The following IL33 variants were observed in gnomAD, a reference collection of about 807,000 sequenced individuals.
IL33 encodes interleukin 33.
A neutral mutation model predicts 27.3 loss-of-function variants in IL33; 37 were observed. That is an observed-to-expected ratio of 1.36 (90% CI 1.04 to 1.78). IL33 has a LOEUF of 1.78. Among genes scored for constraint, IL33 ranks in the 40% most tolerant of loss-of-function variants. The probability of loss-of-function intolerance (pLI) is 0.00; values close to 1 mark genes in which losing one functional copy is unlikely to be tolerated. For synonymous variants in IL33, 132 were observed against 102.9 expected (o/e 1.28, Z -1.71); for missense variants, 406 against 311.4 (o/e 1.30, Z -2.29).
chr9:6,241,656 G>T, intron 1 of IL33, 28 bp from the exon 2 acceptor site: 4 of 1,377,474 alleles, frequency 2.9e-6, no homozygotes, highest in South Asian at 1.3e-5. Flanking sequence ...TGAGACAAAT[G>T]AACTAATATT....
chr9:6,248,152 G>A (rs1185006842), intron 2 of IL33, among the ~76,000 whole-genome samples: 2 of 151,726 alleles, frequency 1.3e-5, no homozygotes, highest in Non-Finnish European at 2.9e-5. Context: ...TAGTTGCTAT[G>A]GTTTGAATGT....
Position 6,254,573 on chromosome 9 carries a change from C to T in IL33, c.612+20C>T. On this transcript the variant is annotated intron_variant, in intron 7 of 7. Coordinates refer to ENST00000682010, the MANE Select transcript of IL33 (RefSeq NM_033439.4). Reference sequence around the variant, plus strand: ...GTGGAGGTAAAAAAAAAAAATTTATCTATATCTATATATATGATTACAGAA... The same window carrying T: ...GTGGAGGTAAAAAAAAAAAATTTATTTATATCTATATATATGATTACAGAA... The T allele has an allele frequency of 1.6e-6, 2 of 1,283,890 alleles. No individual in the cohort carries two copies. The highest frequency in any genetic ancestry group is 1.6e-5 in the African/African-American group (1 of 64,218). 79.5% of individuals were successfully genotyped at this position (1,283,890 alleles called of 1,614,324 possible).
At chr9:6,217,417 C>A (rs1045152466) in intron 1 of IL33, among the ~76,000 whole-genome samples, 3 of 152,096 alleles carry the variant, frequency 2.0e-5, no homozygotes, top group Admixed American at 6.5e-5. Context: ...TTAAACCATA[C>A]CCTAAATTTC....
At chr9:6,227,177 C>A (rs963095916) in intron 1 of IL33, among the ~76,000 whole-genome samples, 2 of 152,196 alleles carry the variant, frequency 1.3e-5, no homozygotes, top group Non-Finnish European at 2.9e-5. Context: ...TCTTGATCAC[C>A]CTTCTATTGT....
intron 1 of IL33, among the ~76,000 whole-genome samples, chr9:6,219,844 G>T (rs1346091552): frequency 1.3e-5 from 2 of 152,144 alleles, no homozygotes; most frequent in Admixed American, 1.3e-4. Context: ...AGTGGGATTT[G>T]AAAAGATTTT....
At chr9:6,239,393 T>A (rs1237444451) in intron 1 of IL33, among the ~76,000 whole-genome samples, 2 of 151,852 alleles carry the variant, frequency 1.3e-5, no homozygotes, top group African/African-American at 4.8e-5. Flanking sequence ...GTAAGGGAAG[T>A]CAAACAACAT....
chr9:6,227,988 T>G (rs1818723288), intron 1 of IL33, among the ~76,000 whole-genome samples: 1 of 152,212 alleles, frequency 6.6e-6, no homozygotes. Flanking sequence ...CTATGAGGCC[T>G]TGGGCATTTA....
chr9:6,253,465 G>A, intron 5 of IL33, 87 bp from the exon 6 acceptor site: 1 of 836,822 alleles, frequency 1.2e-6, no homozygotes, highest in Non-Finnish European at 1.9e-6. Context: ...AAAAGGGGAG[G>A]ATATTTTCTG....
intron 1 of IL33, among the ~76,000 whole-genome samples, chr9:6,220,424 G>C (rs1018282190): frequency 2.0e-5 from 3 of 152,176 alleles, no homozygotes; most frequent in Non-Finnish European, 4.4e-5. Flanking sequence ...TGTGTCTGCT[G>C]TGCTCAAATC....
At position 6,252,094 on chromosome 9, in the gene IL33, AAC is replaced by A. The variant is rs1564073414; in HGVS notation, c.344-771_344-770del. On this transcript the variant is annotated intron_variant, in intron 4 of 7. Transcript: ENST00000682010. ...AACAAAAAACAAAACAAAACAAAAA[AAC>A]CAACTTTACCTGGAAATTGCATTTG... Among the ~76,000 whole-genome samples, 584 of 124,744 alleles carry A rather than the reference AAC, an allele frequency of 4.7e-3. 40 individuals are homozygous for A. Among genetic ancestry groups the A allele is most frequent in the Middle Eastern group, 0.011 (3 of 268 alleles). 81.8% of individuals were successfully genotyped at this position (124,744 alleles called of 152,430 possible). A position where few individuals can be genotyped will look rare whatever the true frequency, so the allele number is the denominator to read the frequency against.
intron 2 of IL33, among the ~76,000 whole-genome samples, chr9:6,244,137 TTGGTGGTATTG>T (rs1456674850): frequency 1.3e-5 from 2 of 152,088 alleles, no homozygotes; most frequent in African/African-American, 4.8e-5. Flanking sequence ...TATGCCAGAG[TTGGTGGTATTG>T]ATACAAAAGT....
At chr9:6,253,090 C>CA (rs1282808600) in intron 5 of IL33, 99 bp downstream of exon 5, 9 of 833,798 alleles carry the variant, frequency 1.1e-5, no homozygotes, top group South Asian at 2.0e-5. Flanking sequence ...TTAACTTAGA[C>CA]ATGGCAAACA....
chr9:6,255,632 A>C (rs1389942203), intron 7 of IL33, among the ~76,000 whole-genome samples: 1 of 152,140 alleles, frequency 6.6e-6, no homozygotes. Flanking sequence ...GACTAAAAAA[A>C]ATGAGGCTTG....
chr9:6,255,882 TC>T, intron 7 of IL33, 85 bp from the exon 8 acceptor site: 1 of 1,031,318 alleles, frequency 9.7e-7, no homozygotes, highest in African/African-American at 1.6e-5. Flanking sequence ...AAATAAGTAT[TC>T]CCCTTTAGTT....
chr9:6,249,785 G>C (rs964848107), intron 2 of IL33, among the ~76,000 whole-genome samples: 5 of 152,158 alleles, frequency 3.3e-5, no homozygotes, highest in Middle Eastern at 3.4e-3. Context: ...CTGTAAAATG[G>C]GGACAATAAT....
chr9:6,252,537 C>T lies in IL33; in HGVS notation c.344-329C>T, dbSNP rs376296429. Among the ~76,000 whole-genome samples, 21 of 152,294 alleles carry T rather than the reference C, an allele frequency of 1.4e-4. No homozygotes were observed. In the East Asian group the frequency reaches 3.7e-3, roughly 27 times the overall value. ...TCAAAATACAGTCCCTTCTTTACCACAGTCCCCAGACCAAGTGGTGTCATG... is the reference window on the plus strand; with the variant it reads ...TCAAAATACAGTCCCTTCTTTACCATAGTCCCCAGACCAAGTGGTGTCATG... On this transcript the variant is annotated intron_variant, in intron 4 of 7. Transcript: ENST00000682010.
Position 6,255,502 on chromosome 9 carries a change from T to A in IL33, c.613-466T>A, listed in dbSNP as rs369821972. Reference sequence around the variant, plus strand: ...GTAACTCTACAATGGAGTTGTTGTATTGGTCAACTGTTGCTATGTAACAAA... The same window carrying A: ...GTAACTCTACAATGGAGTTGTTGTAATGGTCAACTGTTGCTATGTAACAAA... On this transcript the variant is annotated intron_variant, in intron 7 of 7. Transcript: ENST00000682010. Among the ~76,000 whole-genome samples, 7 of 152,288 alleles carry A rather than the reference T, an allele frequency of 4.6e-5. No individual in the cohort carries two copies. The East Asian group carries it at 7.7e-4, about 17-fold the overall frequency.
At chr9:6,217,008 G>A (rs1388989728) in intron 1 of IL33, among the ~76,000 whole-genome samples, 1 of 152,156 alleles carries the variant, frequency 6.6e-6, no homozygotes, top group African/African-American at 2.4e-5. Context: ...CAAAAATTTG[G>A]AGGCTAGGGT....
At chr9:6,236,049 ACACACACAC>A (rs1322377521) in intron 1 of IL33, among the ~76,000 whole-genome samples, 1 of 151,614 alleles carries the variant, frequency 6.6e-6, no homozygotes, top group Non-Finnish European at 1.5e-5. Flanking sequence ...ACACACACAC[ACACACACAC>A]AACTGTCAGT....
Sources: allele counts gnomAD v4.1 joint callset (sites outside exome capture counted in the v4.1 genomes callset), GRCh38; gene constraint gnomAD v4.1.1; transcripts MANE v1.5; gene names NCBI Gene and HGNC (gene_info 2026-07-23, HGNC 2026-07-21).